Variants in DLC1 observed in about 807,000 individuals in gnomAD.
DLC1 encodes DLC1 Rho GTPase activating protein.
A neutral mutation model predicts 140.3 loss-of-function variants in DLC1; 54 were observed. That is an observed-to-expected ratio of 0.38 (90% CI 0.31 to 0.48). DLC1 has a LOEUF of 0.48. DLC1 is among the 20% of genes least tolerant of loss of function. The pLI is 0.96. For missense variants in DLC1, 2,536 were observed against 1,907.0 expected (o/e 1.33, Z -6.14); for synonymous variants, 986 against 728.1 (o/e 1.35, Z -5.70).
chr8:13,373,662 C>G (rs956723770), intron 4 of DLC1, among the ~76,000 whole-genome samples: 1 of 152,128 alleles, frequency 6.6e-6, no homozygotes, highest in Non-Finnish European at 1.5e-5. Context: ...GAAAGTACAT[C>G]TACTATATAA....
At chr8:13,369,913 T>A (rs1199423955) in intron 4 of DLC1, among the ~76,000 whole-genome samples, 2 of 141,592 alleles carry the variant, frequency 1.4e-5, no homozygotes, top group African/African-American at 5.3e-5. Flanking sequence ...ATTTAAAACT[T>A]AAAAAAAAAA....
At chr8:13,289,278 A>G (rs571141568) in intron 5 of DLC1, among the ~76,000 whole-genome samples, 11 of 151,858 alleles carry the variant, frequency 7.2e-5, no homozygotes, top group African/African-American at 2.7e-4. Context: ...CATAGCTCCA[A>G]CTCCTGAGTT....
At chr8:13,154,904 C>T (rs1268609321) in intron 5 of DLC1, among the ~76,000 whole-genome samples, 1 of 151,384 alleles carries the variant, frequency 6.6e-6, no homozygotes, top group East Asian at 1.9e-4. Flanking sequence ...TTATAGCAAT[C>T]ACTGTTTTTT....
At chr8:13,514,306 C>G (rs906772757) in intron 1 of DLC1, among the ~76,000 whole-genome samples, 3 of 152,118 alleles carry the variant, frequency 2.0e-5, no homozygotes, top group Non-Finnish European at 4.4e-5. Context: ...AATAGGAAAA[C>G]TGATCCGACA....
rs139833575 is a variant in DLC1, at chr8:13,368,907, T to A, written c.1314+24646A>T. ...GGTGTGATCTTGGCTCACTGCCACC[T>A]CTGCCTCCTGGTTTCAAGCAATTCC... On this transcript the variant is annotated intron_variant, in intron 4 of 17. Transcript: ENST00000276297. Among the ~76,000 whole-genome samples, 1,460 of 152,274 alleles carry A rather than the reference T, an allele frequency of 9.6e-3. 20 individuals carry two copies. The highest frequency in any genetic ancestry group is 0.033 in the African/African-American group (1,379 of 41,546).
chr8:13,400,999 C>G (rs894929895), intron 3 of DLC1, among the ~76,000 whole-genome samples: 18 of 152,168 alleles, frequency 1.2e-4, no homozygotes, highest in African/African-American at 4.3e-4. Context: ...CCAAGTTAAT[C>G]TCATCTAAAT....
chr8:13,461,485 A>G (rs1799655628), intron 2 of DLC1, among the ~76,000 whole-genome samples: 1 of 152,114 alleles, frequency 6.6e-6, no homozygotes, highest in African/African-American at 2.4e-5. Flanking sequence ...CCTTTAGGTG[A>G]TAAACACTGT....
chr8:13,429,784 C>G (rs902754004), intron 2 of DLC1, among the ~76,000 whole-genome samples: 3 of 152,122 alleles, frequency 2.0e-5, no homozygotes, highest in Non-Finnish European at 2.9e-5. Context: ...AAATTTTCAG[C>G]TACGTATAAC....
At chr8:13,553,879 AC>A (rs1803951792) in intron 1 of DLC1, among the ~76,000 whole-genome samples, 2 of 152,016 alleles carry the variant, frequency 1.3e-5, no homozygotes, top group South Asian at 4.1e-4. Flanking sequence ...ATATATTTGA[AC>A]ACTTCCTTCT....
At chr8:13,245,683 TTTA>T (rs1362184631) in intron 5 of DLC1, among the ~76,000 whole-genome samples, 2 of 152,036 alleles carry the variant, frequency 1.3e-5, no homozygotes, top group East Asian at 1.9e-4. Flanking sequence ...TTAAAATTTT[TTTA>T]TTATTTTATT....
At chr8:13,597,927 C>T (rs1982689) in intron 1 of DLC1, among the ~76,000 whole-genome samples, 89,885 of 151,798 alleles carry the variant, frequency 0.59, 29,725 homozygotes, top group Non-Finnish European at 0.74. Context: ...ATTTAGTCAC[C>T]GCTTTATGGG....
chr8:13,489,412 TACACACACACACACAC>T (rs10558551), intron 2 of DLC1, among the ~76,000 whole-genome samples: 1 of 132,272 alleles, frequency 7.6e-6, no homozygotes, highest in East Asian at 2.2e-4. Context: ...ACACACACCA[TACACACACACACACAC>T]ACACACACAC....
intron 5 of DLC1, among the ~76,000 whole-genome samples, chr8:13,120,817 G>C (rs1820999718): frequency 6.6e-6 from 1 of 152,048 alleles, no homozygotes; most frequent in Admixed American, 6.5e-5. Context: ...GGAACCATTA[G>C]GCCATATTTG....
At chr8:13,261,589 G>A (rs1474992387) in intron 5 of DLC1, among the ~76,000 whole-genome samples, 3 of 152,266 alleles carry the variant, frequency 2.0e-5, no homozygotes, top group East Asian at 3.9e-4. Context: ...AGGAGTGACT[G>A]TAAGAACACA....
At chr8:13,557,058 G>A (rs370631733) in intron 1 of DLC1, among the ~76,000 whole-genome samples, 7 of 152,150 alleles carry the variant, frequency 4.6e-5, no homozygotes, top group African/African-American at 1.2e-4. Flanking sequence ...AGAAGTGAGC[G>A]AGGATAACTG....
intron 9 of DLC1, 131 bp from the exon 10 acceptor site, chr8:13,098,706 C>G: frequency 2.1e-6 from 2 of 975,214 alleles, no homozygotes; most frequent in Non-Finnish European, 2.9e-6. Flanking sequence ...GCCTTGAACT[C>G]CTCAGCTCAA....
chr8:13,329,354 AG>A (rs139712232), intron 4 of DLC1, among the ~76,000 whole-genome samples: 8,373 of 152,210 alleles, frequency 0.055, 284 homozygotes, highest in South Asian at 0.13. Context: ...GATGCATAGA[AG>A]GGGGGTCAAG....
chr8:13,479,802 A>AAGAAAAGAAG (rs1800607534), intron 2 of DLC1, among the ~76,000 whole-genome samples: 1 of 56,934 alleles, frequency 1.8e-5, no homozygotes, highest in East Asian at 2.8e-4. Context: ...GAAAGAAAGA[A>AAGAAAAGAAG]AAGAAGAAGA....
At position 13,579,503 on chromosome 8, in the gene DLC1, A is replaced by G. The variant is rs193137119; in HGVS notation, c.-126+25034T>C. ...TTATATATTTAATATATTATATTTT[A>G]TATTATATATTTAATATATTATATT... is the stretch of plus-strand genomic sequence containing the variant. On this transcript the variant is annotated intron_variant, in intron 1 of 1. Transcript: ENST00000631382. 8.5e-3 allele frequency among the ~76,000 whole-genome samples: 374 copies of G among 44,234 alleles called. 31 individuals are homozygous for G. Among genetic ancestry groups the G allele is most frequent in the South Asian group, 0.025 (23 of 930 alleles). 29.0% of individuals were successfully genotyped at this position (44,234 alleles called of 152,430 possible). A position where few individuals can be genotyped will look rare whatever the true frequency, so the allele number is the denominator to read the frequency against.
Sources: allele counts gnomAD v4.1 joint callset (sites outside exome capture counted in the v4.1 genomes callset), GRCh38; gene constraint gnomAD v4.1.1; transcripts MANE v1.5; gene names NCBI Gene and HGNC (gene_info 2026-07-23, HGNC 2026-07-21).